The following CDH13 variants were observed in gnomAD, a reference collection of about 807,000 sequenced individuals.
CDH13 encodes the protein cadherin-13.
In CDH13, 24 loss-of-function variants were observed where a neutral mutation model predicts 63.8. The ratio of observed to expected loss-of-function variants is 0.38; its 90% confidence interval spans 0.27 to 0.53. The LOEUF (loss-of-function observed/expected upper bound fraction) is 0.53, where lower values mean the gene tolerates loss of function less well. Among genes scored for constraint, CDH13 ranks in the 20% least tolerant of loss-of-function variants. CDH13 has a pLI of 0.85. For missense variants in CDH13, 1,049 were observed against 903.1 expected, an observed-to-expected ratio of 1.16 and a Z score of -2.07; for synonymous variants, 503 against 355.3, an observed-to-expected ratio of 1.42 and a Z score of -4.67.
chr16:83,764,536 C>G (rs1246935677), intron 11 of CDH13, among the ~76,000 whole-genome samples: 1 of 152,152 alleles, frequency 6.6e-6, no homozygotes, highest in East Asian at 1.9e-4. Context: ...ACTGGAGTCC[C>G]CCTTCCCCAG....
intron 5 of CDH13, among the ~76,000 whole-genome samples, chr16:83,229,928 G>C (rs2039955542): frequency 1.3e-5 from 2 of 152,262 alleles, no homozygotes; most frequent in Admixed American, 6.5e-5. Context: ...TTAAATGATG[G>C]CTTAGCATGT....
intron 5 of CDH13, among the ~76,000 whole-genome samples, chr16:83,329,279 G>A (rs142593041): frequency 0.011 from 1,736 of 152,272 alleles, 24 homozygotes; most frequent in African/African-American, 0.038. Context: ...AGGCTGGAGT[G>A]CAGTGGCACA....
chr16:82,817,296 C>G (rs891329616), intron 1 of CDH13, among the ~76,000 whole-genome samples: 1 of 152,074 alleles, frequency 6.6e-6, no homozygotes, highest in Admixed American at 6.5e-5. Context: ...CTGTATGGCT[C>G]TGTGCATTAA....
intron 7 of CDH13, among the ~76,000 whole-genome samples, chr16:83,536,646 C>T (rs1308059918): frequency 6.6e-6 from 1 of 152,020 alleles, no homozygotes; most frequent in Non-Finnish European, 1.5e-5. Flanking sequence ...GAGATATATA[C>T]AGAGATGCAT....
chr16:82,802,465 T>A (rs2036913958), intron 1 of CDH13, among the ~76,000 whole-genome samples: 1 of 152,098 alleles, frequency 6.6e-6, no homozygotes. Context: ...TGTTGAGAGA[T>A]TCAGAGGTTC....
intron 7 of CDH13, among the ~76,000 whole-genome samples, chr16:83,510,166 TA>T (rs2074523313): frequency 6.6e-6 from 1 of 152,166 alleles, no homozygotes; most frequent in Non-Finnish European, 1.5e-5. Flanking sequence ...AACAGTGAGA[TA>T]TTTAAATTCT....
At chr16:83,217,882 A>C (rs139116222) in intron 5 of CDH13, among the ~76,000 whole-genome samples, 1 of 152,348 alleles carries the variant, frequency 6.6e-6, no homozygotes, top group East Asian at 1.9e-4. Flanking sequence ...CCTTAGGGTG[A>C]AAACAGTTGC....
intron 1 of CDH13, among the ~76,000 whole-genome samples, chr16:82,716,359 C>A (rs566248574): frequency 2.6e-5 from 4 of 151,834 alleles, no homozygotes; most frequent in African/African-American, 9.7e-5. Context: ...GAGAGAGAGA[C>A]AAACATGGAT....
chr16:83,096,706 G>T (rs1442948922), intron 3 of CDH13, among the ~76,000 whole-genome samples: 1 of 152,164 alleles, frequency 6.6e-6, no homozygotes, highest in African/African-American at 2.4e-5. Flanking sequence ...GTTGGGAGGG[G>T]ACTAACAAGG....
intron 2 of CDH13, among the ~76,000 whole-genome samples, chr16:82,985,347 A>T (rs1910801547): frequency 6.6e-6 from 1 of 151,902 alleles, no homozygotes; most frequent in Admixed American, 6.6e-5. Context: ...GGAAAGCAGA[A>T]CTCTGCTCAG....
At chr16:82,933,116 G>C (rs1431109735) in intron 2 of CDH13, among the ~76,000 whole-genome samples, 1 of 152,120 alleles carries the variant, frequency 6.6e-6, no homozygotes, top group African/African-American at 2.4e-5. Context: ...GATATTGGCA[G>C]TTACATGTTG....
intron 6 of CDH13, among the ~76,000 whole-genome samples, chr16:83,404,009 T>C (rs74841458): frequency 0.068 from 10,296 of 152,230 alleles, 379 homozygotes; most frequent in African/African-American, 0.086. Flanking sequence ...CAGAAATGCA[T>C]TTCTTTTTTT....
At chr16:83,239,793 C>T (rs1229858053) in intron 5 of CDH13, among the ~76,000 whole-genome samples, 7 of 152,138 alleles carry the variant, frequency 4.6e-5, no homozygotes. Flanking sequence ...GAACTTACAG[C>T]AGAAGAGCAG....
At chr16:83,088,867 C>A (rs763265599) in intron 3 of CDH13, among the ~76,000 whole-genome samples, 2 of 152,158 alleles carry the variant, frequency 1.3e-5, no homozygotes, top group Admixed American at 6.5e-5. Flanking sequence ...TTTTCAGCAA[C>A]AACCACAGGC....
At chr16:83,023,638 AC>A (rs1915547120) in intron 2 of CDH13, among the ~76,000 whole-genome samples, 1 of 152,134 alleles carries the variant, frequency 6.6e-6, no homozygotes, top group Non-Finnish European at 1.5e-5. Flanking sequence ...ATGGACATAA[AC>A]TGTTCAGTTT....
chr16:83,462,710 C>T (rs1255577554), intron 6 of CDH13, among the ~76,000 whole-genome samples: 1 of 152,194 alleles, frequency 6.6e-6, no homozygotes, highest in Non-Finnish European at 1.5e-5. Context: ...AAGTCAAGAT[C>T]ATGCCACTGC....
intron 7 of CDH13, among the ~76,000 whole-genome samples, chr16:83,583,843 C>A (rs1318371630): frequency 1.3e-5 from 2 of 151,936 alleles, no homozygotes; most frequent in African/African-American, 2.4e-5. Flanking sequence ...CTTGAGCCCA[C>A]GAGGGAGAGG....
intron 7 of CDH13, among the ~76,000 whole-genome samples, chr16:83,559,437 G>T (rs1012249457): frequency 6.6e-6 from 1 of 152,068 alleles, no homozygotes; most frequent in Non-Finnish European, 1.5e-5. Flanking sequence ...TGGGCATGGT[G>T]GCGTGTACCT....
chr16:83,122,900 A>G (rs1346507710), intron 3 of CDH13, among the ~76,000 whole-genome samples: 2 of 152,116 alleles, frequency 1.3e-5, no homozygotes, highest in African/African-American at 4.8e-5. Flanking sequence ...TGTACCCAAC[A>G]GGTGATTTTT....
Sources: allele counts gnomAD v4.1 joint callset (sites outside exome capture counted in the v4.1 genomes callset), GRCh38; gene constraint gnomAD v4.1.1; transcripts MANE v1.5; gene names NCBI Gene and HGNC (gene_info 2026-07-23, HGNC 2026-07-21).